Variants in KIRREL3 observed in about 807,000 individuals in gnomAD.
The protein encoded by KIRREL3 is kirre like nephrin family adhesion molecule 3.
Under a neutral mutation model 89.7 loss-of-function variants are expected in KIRREL3, and 36 were observed. The observed-to-expected ratio is 0.40, with a 90% CI of 0.31 to 0.53. The LOEUF is 0.53. KIRREL3 is among the 20% of genes least tolerant of loss of function. The probability of loss-of-function intolerance (pLI) is 0.49; values close to 1 mark genes in which losing one functional copy is unlikely to be tolerated. For synonymous variants in KIRREL3, 445 were observed against 441.4 expected, an observed-to-expected ratio of 1.01 and a Z score of -0.10; for missense variants, 864 against 1,056.6, an observed-to-expected ratio of 0.82 and a Z score of 2.53.
intron 1 of KIRREL3, among the ~76,000 whole-genome samples, chr11:126,698,878 C>G (rs890236772): frequency 6.6e-6 from 1 of 152,250 alleles, no homozygotes; most frequent in Admixed American, 6.5e-5. Context: ...ACCCAAGTCA[C>G]TGCCCTTCGT....
intron 7 of KIRREL3, among the ~76,000 whole-genome samples, chr11:126,451,009 G>A (rs974905621): frequency 6.6e-6 from 1 of 151,232 alleles, no homozygotes; most frequent in East Asian, 2.0e-4. Context: ...GTGTGCACGT[G>A]AGTGCATGTG....
chr11:126,424,599 C>T lies in KIRREL3; in HGVS notation c.2318G>A (p.Arg773Gln). Residue 773 changes from arginine (R) to glutamine (Q), a missense_variant, in exon 17 of 17, where the codon CGG becomes CAG. Transcript: ENST00000525144. The stretch of plus-strand genomic sequence containing the variant: ...TGATCCTTAGACGTGAGTCTGCATC[C>T]GCCGCTGCAGGGGTCGACTGGGGTC... The part of the protein sequence containing the change: ...NSDPSRPLQR[R>Q]MQTHV The T allele has an allele frequency of 2.5e-6, 4 of 1,613,876 alleles. No individual in the cohort carries two copies. Among genetic ancestry groups the T allele is most frequent in the East Asian group, 2.2e-5 (1 of 44,876 alleles).
chr11:126,942,768 T>C (rs1053651149), intron 1 of KIRREL3, among the ~76,000 whole-genome samples: 2 of 152,200 alleles, frequency 1.3e-5, no homozygotes, highest in African/African-American at 4.8e-5. Context: ...ATGCGCTCCC[T>C]TGAGGCGCTC....
intron 4 of KIRREL3, among the ~76,000 whole-genome samples, chr11:126,510,634 A>G (rs1453182717): frequency 1.3e-5 from 2 of 152,092 alleles, no homozygotes; most frequent in African/African-American, 4.8e-5. Flanking sequence ...GCTCCAGAGT[A>G]AATCTATTGT....
rs954823414 is a variant in KIRREL3, at chr11:126,782,912, C to G, written c.55+217543G>C. Among the ~76,000 whole-genome samples, 5 of 152,142 alleles carry G rather than the reference C, an allele frequency of 3.3e-5. No individual in the cohort carries two copies. Among genetic ancestry groups the G allele is most frequent in the Admixed American group, 6.5e-5 (1 of 15,270 alleles). On this transcript the variant is annotated intron_variant, in intron 1 of 16. Transcript: ENST00000525144. This position sits in a 1 kb window ranked among gnomAD's most constrained non-coding sequence, Gnocchi z 4.1. ...ATCCAGAGTTTGGTTTCTGATACCA[C>G]TCTGTAATAAAAGGAACCAGGGCTC...
intron 1 of KIRREL3, among the ~76,000 whole-genome samples, chr11:126,863,508 C>CGT (rs1176226206): frequency 1.1e-5 from 1 of 93,902 alleles, no homozygotes; most frequent in Non-Finnish European, 2.2e-5. Context: ...AGTGTGAGTG[C>CGT]GTGTGTGTTT....
chr11:126,522,012 G>A lies in KIRREL3; in HGVS notation c.284-548C>T, dbSNP rs57193697. 0.27 allele frequency among the ~76,000 whole-genome samples: 41,185 copies of A among 151,988 alleles called. 6,805 individuals carry two copies. Among genetic ancestry groups the A allele is most frequent in the African/African-American group, 0.46 (18,848 of 41,408 alleles). Reference sequence around the variant, plus strand: ...TCCCTCCTCAACCTCCCAAAGTTCTGGGATTATAGGCATGAGCCACCATGC... The same window carrying A: ...TCCCTCCTCAACCTCCCAAAGTTCTAGGATTATAGGCATGAGCCACCATGC... On this transcript the variant is annotated intron_variant, in intron 3 of 16. Coordinates refer to ENST00000525144, the MANE Select transcript of KIRREL3 (RefSeq NM_032531.4). This position sits in a 1 kb window ranked among gnomAD's most constrained non-coding sequence, Gnocchi z 6.0.
chr11:126,777,466 A>C (rs1441817699), intron 1 of KIRREL3, among the ~76,000 whole-genome samples: 1 of 151,760 alleles, frequency 6.6e-6, no homozygotes, highest in Non-Finnish European at 1.5e-5. Flanking sequence ...CCAAATGACA[A>C]GGTTTTACTC....
chr11:126,777,767 T>C (rs1950210878), intron 1 of KIRREL3, among the ~76,000 whole-genome samples: 1 of 152,196 alleles, frequency 6.6e-6, no homozygotes, highest in Non-Finnish European at 1.5e-5. Flanking sequence ...CATCTTTCCA[T>C]GTCCATAAAT....
chr11:126,558,529 C>T lies in KIRREL3; in HGVS notation c.133+4306G>A, dbSNP rs531107869. Among the ~76,000 whole-genome samples, 1 of 151,212 alleles carries T rather than the reference C, an allele frequency of 6.6e-6. No individual in the cohort carries two copies. Among genetic ancestry groups the T allele is most frequent in the South Asian group, 2.1e-4 (1 of 4,814 alleles). On this transcript the variant is annotated intron_variant, in intron 2 of 16. Transcript: ENST00000525144. This position sits in a 1 kb window ranked among gnomAD's most constrained non-coding sequence, Gnocchi z 4.0. ...TGGGCTGTGGTCCTGGCTCTTCCAG[C>T]CACTTCATATGGGCCCCGGGCAAGT... is the stretch of plus-strand genomic sequence containing the variant.
At position 126,748,766 on chromosome 11, in the gene KIRREL3, C is replaced by T. The variant is rs1030373275; in HGVS notation, c.56-185854G>A. ...ATCGCTGTGATAAAAGCCTCTCTGC[C>T]CACCGAAACTGTGCATGGGATCCTT... On this transcript the variant is annotated intron_variant, in intron 1 of 16. Transcript: ENST00000525144. The surrounding 1 kb of genome is among the most constrained non-coding windows in gnomAD (Gnocchi z 4.6). Among the ~76,000 whole-genome samples, 1 of 152,160 alleles carries T rather than the reference C, an allele frequency of 6.6e-6. No homozygotes were observed. Among genetic ancestry groups the T allele is most frequent in the Non-Finnish European group, 1.5e-5 (1 of 68,026 alleles).
At chr11:126,869,578 A>T (rs569929873) in intron 1 of KIRREL3, among the ~76,000 whole-genome samples, 2 of 152,276 alleles carry the variant, frequency 1.3e-5, no homozygotes, top group East Asian at 3.9e-4. Context: ...AGTCTAGTAA[A>T]CCAGGTGGAC....
In KIRREL3 at chr11:126,627,805, G is replaced by A. The variant is rs1232335006; in HGVS notation, c.56-64893C>T. On this transcript the variant is annotated intron_variant, in intron 1 of 16. Transcript: ENST00000525144. The surrounding 1 kb of genome is among the most constrained non-coding windows in gnomAD (Gnocchi z 5.0). Reference sequence around the variant, plus strand: ...TCAGATGCTCAGAGAGAACTCACAGGCCCCAGTGGAGGGCTTGGATCTGAG... The same window carrying A: ...TCAGATGCTCAGAGAGAACTCACAGACCCCAGTGGAGGGCTTGGATCTGAG... Among the ~76,000 whole-genome samples, 3 of 152,138 alleles carry A rather than the reference G, an allele frequency of 2.0e-5. No individual in the cohort carries two copies. Among genetic ancestry groups the A allele is most frequent in the Non-Finnish European group, 4.4e-5 (3 of 68,014 alleles).
chr11:126,570,401 T>C lies in KIRREL3; in HGVS notation c.56-7489A>G, dbSNP rs753454160. The stretch of plus-strand genomic sequence containing the variant: ...TAAGAGGAATCTGAAACAGCTGTGG[T>C]CTTAAATTACGTTTTTGAAATAATG... On this transcript the variant is annotated intron_variant, in intron 1 of 16. Transcript: ENST00000525144. This position sits in a 1 kb window ranked among gnomAD's most constrained non-coding sequence, Gnocchi z 6.1. 2.2e-4 allele frequency among the ~76,000 whole-genome samples: 33 copies of C among 152,192 alleles called. No homozygotes were observed. The highest frequency in any genetic ancestry group is 3.4e-4 in the Non-Finnish European group (23 of 68,026).
chr11:126,657,679 G>A (rs1452555348), intron 1 of KIRREL3, among the ~76,000 whole-genome samples: 20 of 152,160 alleles, frequency 1.3e-4, no homozygotes, highest in Admixed American at 9.2e-4. Flanking sequence ...AGAGGACTGC[G>A]CTAGCTTGGG....
In KIRREL3 at chr11:126,889,113, G is replaced by A. The variant is rs190665424; in HGVS notation, c.55+111342C>T. 5.9e-5 allele frequency among the ~76,000 whole-genome samples: 9 copies of A among 152,242 alleles called. No homozygotes were observed. The East Asian group carries it at 9.7e-4, about 16-fold the overall frequency. ...AGTATACAAGGTGAGGGGTTCTGCC[G>A]TGTGTACACTCATGAAACCATCACC... On this transcript the variant is annotated intron_variant, in intron 1 of 16. Transcript: ENST00000525144.
intron 1 of KIRREL3, among the ~76,000 whole-genome samples, chr11:126,658,683 G>C (rs1279754234): frequency 2.6e-5 from 4 of 152,122 alleles, no homozygotes; most frequent in African/African-American, 7.2e-5. Flanking sequence ...CTTTTTCTTT[G>C]TCTTTAAGGT....
In KIRREL3 at chr11:126,623,493, C is replaced by T. The variant is rs771396901; in HGVS notation, c.56-60581G>A. Among the ~76,000 whole-genome samples the T allele has an allele frequency of 1.5e-4, 23 of 152,112 alleles. No homozygotes were observed. The highest frequency in any genetic ancestry group is 2.6e-4 in the Non-Finnish European group (18 of 68,022). ...TCTGTGATGTACGCGGCTCTGTGTG[C>T]TGGTGAGATTTTGTAGCCACTGGAA... On this transcript the variant is annotated intron_variant, in intron 1 of 16. Coordinates refer to ENST00000525144, the MANE Select transcript of KIRREL3 (RefSeq NM_032531.4). This position sits in a 1 kb window ranked among gnomAD's most constrained non-coding sequence, Gnocchi z 4.1.
At position 126,931,047 on chromosome 11, in the gene KIRREL3, C is replaced by A. The variant is rs1947929644; in HGVS notation, c.55+69408G>T. 6.6e-6 allele frequency among the ~76,000 whole-genome samples: 1 copy of A among 152,220 alleles called. No homozygotes were observed. Among genetic ancestry groups the A allele is most frequent in the Non-Finnish European group, 1.5e-5 (1 of 68,046 alleles). On this transcript the variant is annotated intron_variant, in intron 1 of 16. Coordinates refer to ENST00000525144, the MANE Select transcript of KIRREL3 (RefSeq NM_032531.4). The surrounding 1 kb of genome is among the most constrained non-coding windows in gnomAD (Gnocchi z 5.1). Reference sequence around the variant, plus strand: ...TCTCACACAGGACGAGTGTAGACAGCACCTTCTCTCAGAAAGCTTTGGGCA... The same window carrying A: ...TCTCACACAGGACGAGTGTAGACAGAACCTTCTCTCAGAAAGCTTTGGGCA...
Sources: gnomAD v4.1 joint callset for allele counts (sites outside exome capture counted in the v4.1 genomes callset) on GRCh38, gnomAD v4.1.1 for gene constraint, Gnocchi (gnomAD v3.1) non-coding constraint, MANE v1.5 for transcripts, NCBI Gene and HGNC (gene_info 2026-07-23, HGNC 2026-07-21) for gene names.